Variants in WWC2 observed in about 807,000 individuals in gnomAD.
The protein encoded by WWC2 is WW and C2 domain containing 2.
A neutral mutation model predicts 138.5 loss-of-function variants in WWC2; 101 were observed. The ratio of observed to expected loss-of-function variants is 0.73; its 90% CI spans 0.62 to 0.86. The LOEUF (loss-of-function observed/expected upper bound fraction) is 0.86, where lower values mean the gene tolerates loss of function less well. Ranked by LOEUF, WWC2 falls within the 40% of genes least tolerant of loss-of-function variation. WWC2 has a pLI of 0.00. For missense variants in WWC2, 1,420 were observed against 1,419.4 expected (o/e 1.00, Z -0.01); for synonymous variants, 558 against 538.4 (o/e 1.04, Z -0.50).
intron 16 of WWC2, among the ~76,000 whole-genome samples, chr4:183,275,815 G>C (rs1047708416): frequency 6.6e-6 from 1 of 152,040 alleles, no homozygotes; most frequent in Non-Finnish European, 1.5e-5. Flanking sequence ...TCTACCTTCT[G>C]GAAGAGTTTG....
At chr4:183,300,911 G>A (rs1159562607) in intron 21 of WWC2, among the ~76,000 whole-genome samples, 2 of 152,148 alleles carry the variant, frequency 1.3e-5, no homozygotes, top group Non-Finnish European at 2.9e-5. Context: ...TCCTGTGGAA[G>A]GTGGCAAAGA....
chr4:183,305,189 A>G (rs1418077817), intron 21 of WWC2, among the ~76,000 whole-genome samples: 1 of 152,210 alleles, frequency 6.6e-6, no homozygotes, highest in Non-Finnish European at 1.5e-5. Flanking sequence ...GGATATGTCA[A>G]TAGAAACTTT....
intron 1 of WWC2, among the ~76,000 whole-genome samples, chr4:183,109,653 G>A (rs566685843): frequency 8.5e-5 from 13 of 152,164 alleles, no homozygotes; most frequent in Admixed American, 3.3e-4. Flanking sequence ...GAGCTCAGGC[G>A]GTCATGCTTG....
intron 4 of WWC2, among the ~76,000 whole-genome samples, chr4:183,232,071 A>G (rs934589375): frequency 4.6e-5 from 7 of 152,208 alleles, no homozygotes; most frequent in African/African-American, 1.7e-4. Flanking sequence ...GGCCTGACAC[A>G]CCACTGGAAA....
chr4:183,297,361 G>A (rs1336671132), intron 21 of WWC2, among the ~76,000 whole-genome samples: 1 of 151,702 alleles, frequency 6.6e-6, no homozygotes, highest in Non-Finnish European at 1.5e-5. Context: ...AGGGAAAGAA[G>A]ATCCTAAGGA....
At chr4:183,168,170 T>TTTTCTTTC (rs112454730) in intron 1 of WWC2, among the ~76,000 whole-genome samples, 7 of 140,688 alleles carry the variant, frequency 5.0e-5, no homozygotes, top group African/African-American at 1.8e-4. Flanking sequence ...TTTTCTTTTC[T>TTTTCTTTC]TTTCTTTCTT....
At chr4:183,132,312 C>T (rs1732950334) in intron 1 of WWC2, among the ~76,000 whole-genome samples, 1 of 152,118 alleles carries the variant, frequency 6.6e-6, no homozygotes, top group Non-Finnish European at 1.5e-5. Context: ...TGTTCTAAAT[C>T]CTACAGGGAG....
rs1438919389 is a variant in WWC2, at chr4:183,312,390, T to C, written c.3434T>C (p.Leu1145Ser). The change falls in exon 22 of 23, where the codon TTG becomes TCG. Residue 1145 changes from leucine to serine, a missense_variant. Coordinates refer to ENST00000403733, the MANE Select transcript of WWC2 (RefSeq NM_024949.6). Reference sequence around the variant, plus strand: ...AAGCAAGGTCTGAATGCAGAGAAGTTGATGAGGCAAGTCTCCAAGGACGTG... The same window carrying C: ...AAGCAAGGTCTGAATGCAGAGAAGTCGATGAGGCAAGTCTCCAAGGACGTG... ...EQKQGLNAEK[L>S]MRQVSKDVCR... The C allele has an allele frequency of 1.1e-5, 17 of 1,613,718 alleles. No homozygotes were observed. The highest frequency in any genetic ancestry group is 1.4e-5 in the Non-Finnish European group (17 of 1,179,812).
intron 1 of WWC2, among the ~76,000 whole-genome samples, chr4:183,187,099 C>T (rs1734827967): frequency 6.6e-6 from 1 of 152,096 alleles, no homozygotes; most frequent in Non-Finnish European, 1.5e-5. Flanking sequence ...GCTTGGCTGT[C>T]CTCACCTTGG....
chr4:183,156,405 G>C (rs949809600), intron 1 of WWC2, among the ~76,000 whole-genome samples: 4 of 143,234 alleles, frequency 2.8e-5, no homozygotes, highest in African/African-American at 7.9e-5. Context: ...GCACAATCTC[G>C]ACTGCAGCCT....
At chr4:183,157,208 T>C (rs1561440468) in intron 1 of WWC2, among the ~76,000 whole-genome samples, 1 of 152,226 alleles carries the variant, frequency 6.6e-6, no homozygotes. Flanking sequence ...TTTCATAAAT[T>C]TGACATTTTT....
intron 4 of WWC2, among the ~76,000 whole-genome samples, chr4:183,209,482 C>T (rs367564236): frequency 6.6e-6 from 1 of 152,148 alleles, no homozygotes; most frequent in Non-Finnish European, 1.5e-5. Flanking sequence ...AGTTATCTGC[C>T]CGCCTTAGCC....
intron 14 of WWC2, among the ~76,000 whole-genome samples, chr4:183,267,937 A>G (rs1173174862): frequency 1.3e-5 from 2 of 152,044 alleles, no homozygotes; most frequent in Non-Finnish European, 2.9e-5. Context: ...TTATTTTTTG[A>G]TTATTAATTG....
At chr4:183,182,239 A>G (rs1263244700) in intron 1 of WWC2, among the ~76,000 whole-genome samples, 1 of 152,174 alleles carries the variant, frequency 6.6e-6, no homozygotes, top group African/African-American at 2.4e-5. Context: ...AAGGTGTGCC[A>G]TGTGTCATTT....
At chr4:183,102,443 G>C (rs1743209567) in intron 1 of WWC2, among the ~76,000 whole-genome samples, 1 of 152,220 alleles carries the variant, frequency 6.6e-6, no homozygotes, top group South Asian at 2.1e-4. Context: ...CGTTGGTCCT[G>C]TGAGGTAGGT....
intron 14 of WWC2, among the ~76,000 whole-genome samples, chr4:183,268,742 T>C (rs1438150610): frequency 6.6e-6 from 1 of 152,132 alleles, no homozygotes; most frequent in Admixed American, 6.5e-5. Flanking sequence ...AGTCTCGTGG[T>C]GAGTGGAGGC....
At chr4:183,133,647 C>T (rs1342470435) in intron 1 of WWC2, among the ~76,000 whole-genome samples, 3 of 152,146 alleles carry the variant, frequency 2.0e-5, no homozygotes, top group African/African-American at 7.2e-5. Context: ...CAGATGCCCA[C>T]CACCACGCCC....
intron 19 of WWC2, among the ~76,000 whole-genome samples, chr4:183,284,840 A>G (rs1422719577): frequency 6.6e-6 from 1 of 152,238 alleles, no homozygotes; most frequent in Non-Finnish European, 1.5e-5. Flanking sequence ...ATAAACACTG[A>G]ATCACATCCA....
At chr4:183,185,196 G>A (rs767120962) in intron 1 of WWC2, among the ~76,000 whole-genome samples, 1 of 152,204 alleles carries the variant, frequency 6.6e-6, no homozygotes, top group Non-Finnish European at 1.5e-5. Context: ...AAGCCTTTCA[G>A]TTGAGTCAGA....
Sources: allele counts gnomAD v4.1 joint callset (sites outside exome capture counted in the v4.1 genomes callset), GRCh38; gene constraint gnomAD v4.1.1; transcripts MANE v1.5; gene names NCBI Gene and HGNC (gene_info 2026-07-23, HGNC 2026-07-21).